SLC26A7: variants seen among roughly 807,000 people sequenced by gnomAD.
SLC26A7 encodes the protein solute carrier family 26 member 7.
Under a neutral mutation model 82.5 loss-of-function variants are expected in SLC26A7, and 59 were observed. That is an observed-to-expected ratio of 0.72 (90% CI 0.58 to 0.89). The LOEUF is 0.89. Ranked by LOEUF, SLC26A7 falls within the 40% of genes least tolerant of loss-of-function variation. The pLI, the probability that SLC26A7 is intolerant of heterozygous loss-of-function variation, is 0.00. For synonymous variants in SLC26A7, 271 were observed against 274.3 expected (o/e 0.99, Z 0.12); for missense variants, 820 against 793.0 (o/e 1.03, Z -0.41).
intron 15 of SLC26A7, among the ~76,000 whole-genome samples, chr8:91,372,331 T>C (rs1322569518): frequency 6.6e-6 from 1 of 151,910 alleles, no homozygotes; most frequent in Non-Finnish European, 1.5e-5. Flanking sequence ...GAAGAGTTTT[T>C]CCTAGGTTTT....
At chr8:91,209,934 A>G (rs1809876928) in intron 1 of SLC26A7, among the ~76,000 whole-genome samples, 2 of 152,156 alleles carry the variant, frequency 1.3e-5, no homozygotes, top group African/African-American at 4.8e-5. Flanking sequence ...ACTATATGCA[A>G]GGTACTATGC....
intron 2 of SLC26A7, among the ~76,000 whole-genome samples, chr8:91,270,267 G>A (rs191829675): frequency 6.6e-6 from 1 of 152,054 alleles, no homozygotes; most frequent in Non-Finnish European, 1.5e-5. Context: ...GAACTTAATC[G>A]CAGGCCTGCT....
rs1462378290 is a variant in SLC26A7 at position 91,343,333 on chromosome 8, T to C, written c.1027-20T>C. On this transcript the variant is annotated intron_variant, in intron 8 of 18. Transcript: ENST00000276609. The stretch of plus-strand genomic sequence containing the variant: ...TCTATTGTGATTAAGATATTATATA[T>C]TCTCTCATGAATCTTGCAGGAATTT... The C allele has an allele frequency of 7.0e-7, 1 of 1,433,906 alleles. No homozygotes were observed. The highest frequency in any genetic ancestry group is 9.7e-7 in the Non-Finnish European group (1 of 1,029,874). The allele number at this position is 1,433,906 out of a possible 1,614,324, so 88.8% of individuals were successfully genotyped here.
chr8:91,233,511 G>A (rs555094043), intron 2 of SLC26A7, among the ~76,000 whole-genome samples: 1 of 152,118 alleles, frequency 6.6e-6, no homozygotes, highest in East Asian at 1.9e-4. Context: ...AGGTTGTAGT[G>A]AGTGGAGATT....
intron 2 of SLC26A7, among the ~76,000 whole-genome samples, chr8:91,224,293 C>G (rs986084583): frequency 1.3e-5 from 2 of 152,050 alleles, no homozygotes; most frequent in African/African-American, 2.4e-5. Flanking sequence ...ATTTTTTCAT[C>G]AATTCTCATC....
chr8:91,295,376 G>A (rs1811987637), intron 3 of SLC26A7, among the ~76,000 whole-genome samples, 155 bp from the exon 4 acceptor site: 1 of 152,150 alleles, frequency 6.6e-6, no homozygotes, highest in Admixed American at 6.5e-5. Flanking sequence ...CATGGAGAGA[G>A]GTGAAGAGTG....
At chr8:91,349,930 G>A (rs2130853801) in intron 9 of SLC26A7, among the ~76,000 whole-genome samples, 1 of 152,216 alleles carries the variant, frequency 6.6e-6, no homozygotes, top group South Asian at 2.1e-4. Context: ...CCTCGTTGCA[G>A]TATAGTAGAA....
At chr8:91,280,458 G>T (rs1430282923) in intron 2 of SLC26A7, among the ~76,000 whole-genome samples, 1 of 152,186 alleles carries the variant, frequency 6.6e-6, no homozygotes, top group African/African-American at 2.4e-5. Flanking sequence ...ACTTTCCAAA[G>T]ATGAATTCCT....
At chr8:91,269,180 T>G (rs1252096317) in intron 2 of SLC26A7, among the ~76,000 whole-genome samples, 1 of 152,076 alleles carries the variant, frequency 6.6e-6, no homozygotes, top group African/African-American at 2.4e-5. Flanking sequence ...CTTTTACCAG[T>G]GAGTTTTATA....
chr8:91,313,469 C>T (rs1259812805), intron 4 of SLC26A7, among the ~76,000 whole-genome samples: 1 of 151,976 alleles, frequency 6.6e-6, no homozygotes, highest in African/African-American at 2.4e-5. Flanking sequence ...TTTTTTTCTC[C>T]CATATCTCTG....
intron 4 of SLC26A7, among the ~76,000 whole-genome samples, chr8:91,314,907 A>G (rs1812586740): frequency 6.6e-6 from 1 of 152,114 alleles, no homozygotes; most frequent in African/African-American, 2.4e-5. Flanking sequence ...TTCTTTTTAT[A>G]TCTTGAACTT....
At chr8:91,225,587 G>A (rs1810223238) in intron 2 of SLC26A7, among the ~76,000 whole-genome samples, 1 of 143,272 alleles carries the variant, frequency 7.0e-6, no homozygotes, top group Admixed American at 7.0e-5. Context: ...TTTGATGGGA[G>A]CTTCTGAACA....
At chr8:91,231,858 C>A (rs561953642) in intron 2 of SLC26A7, among the ~76,000 whole-genome samples, 2 of 152,006 alleles carry the variant, frequency 1.3e-5, no homozygotes, top group Non-Finnish European at 2.9e-5. Flanking sequence ...CACGGCTAGG[C>A]AGGAACTGGA....
intron 2 of SLC26A7, among the ~76,000 whole-genome samples, chr8:91,257,522 T>C (rs1040076262): frequency 1.4e-4 from 21 of 151,972 alleles, no homozygotes; most frequent in Non-Finnish European, 1.9e-4. Context: ...ATTTTAACAT[T>C]GGAGATATCT....
chr8:91,213,789 T>C (rs1435898905), intron 1 of SLC26A7, among the ~76,000 whole-genome samples: 1 of 152,090 alleles, frequency 6.6e-6, no homozygotes, highest in East Asian at 1.9e-4. Flanking sequence ...GTAAACAGAA[T>C]GTTTTAGGAG....
At chr8:91,257,234 G>A (rs1369681001) in intron 2 of SLC26A7, among the ~76,000 whole-genome samples, 1 of 152,126 alleles carries the variant, frequency 6.6e-6, no homozygotes, top group Non-Finnish European at 1.5e-5. Context: ...ACTGGCCTGA[G>A]CATCCATGAA....
intron 2 of SLC26A7, among the ~76,000 whole-genome samples, chr8:91,253,077 T>C (rs1245548537): frequency 6.6e-6 from 1 of 152,142 alleles, no homozygotes; most frequent in Non-Finnish European, 1.5e-5. Context: ...AGAACTATAA[T>C]AATAACAACA....
At chr8:91,254,098 A>G (rs1330346262) in intron 2 of SLC26A7, among the ~76,000 whole-genome samples, 1 of 152,124 alleles carries the variant, frequency 6.6e-6, no homozygotes, top group Non-Finnish European at 1.5e-5. Context: ...CTCCTGACAA[A>G]TCTGGTAAAA....
chr8:91,329,419 G>A (rs548905738), intron 5 of SLC26A7, among the ~76,000 whole-genome samples: 82 of 152,206 alleles, frequency 5.4e-4, no homozygotes, highest in African/African-American at 1.8e-3. Context: ...GTTGTAATGA[G>A]CTATCCACCC....
Sources: gnomAD v4.1 joint callset for allele counts (sites outside exome capture counted in the v4.1 genomes callset) on GRCh38, gnomAD v4.1.1 for gene constraint, MANE v1.5 for transcripts, NCBI Gene and HGNC (gene_info 2026-07-23, HGNC 2026-07-21) for gene names.